RGS13: variants seen among roughly 807,000 people sequenced by gnomAD.
RGS13 encodes the protein regulator of G protein signaling 13.
Under a neutral mutation model 19.9 loss-of-function variants are expected in RGS13, and 14 were observed. The ratio of observed to expected loss-of-function variants is 0.70; its 90% CI spans 0.46 to 1.10. The LOEUF is 1.10. RGS13 is among the 50% of genes least tolerant of loss of function. RGS13 has a pLI of 0.00. For missense variants in RGS13, 205 were observed against 187.1 expected (o/e 1.10, Z -0.56); for synonymous variants, 60 against 56.8 (o/e 1.06, Z -0.25).
In RGS13 at chr1:192,659,706, A is replaced by G. The variant is rs1189948543; in HGVS notation, c.*183A>G. On this transcript the variant is annotated 3_prime_UTR_variant, in exon 7 of 7. Transcript: ENST00000391995. The stretch of plus-strand genomic sequence containing the variant: ...CAATGGAATCTAGAATTCTTATAAC[A>G]TGAATAACAAAATGTACAGCAAGCC... 2 of 554,298 alleles carry G rather than the reference A, an allele frequency of 3.6e-6. No individual in the cohort carries two copies. The highest frequency in any genetic ancestry group is 3.1e-5 in the East Asian group (1 of 32,664). 34.3% of individuals were successfully genotyped at this position (554,298 alleles called of 1,614,324 possible).
intron 1 of RGS13, 100 bp from the exon 2 acceptor site, chr1:192,637,490 T>G (rs958099212): frequency 2.6e-5 from 4 of 151,972 alleles, no homozygotes; most frequent in African/African-American, 9.7e-5. Flanking sequence ...TACTTAAAAC[T>G]TAAGAGCATT....
At chr1:192,658,416 G>T in intron 6 of RGS13, 49 bp downstream of exon 6, 1 of 1,545,770 alleles carries the variant, frequency 6.5e-7, no homozygotes, top group African/African-American at 1.4e-5. Context: ...TCCCTGCAAG[G>T]GCATTAATAT....
chr1:192,649,101 GCT>G (rs1663271140), intron 5 of RGS13, among the ~76,000 whole-genome samples: 1 of 152,090 alleles, frequency 6.6e-6, no homozygotes, highest in East Asian at 1.9e-4. Context: ...CACCACCTGA[GCT>G]CTCATATTTT....
At chr1:192,638,359 G>A (rs766259391) in intron 3 of RGS13, among the ~76,000 whole-genome samples, 156 bp downstream of exon 3, 1 of 151,872 alleles carries the variant, frequency 6.6e-6, no homozygotes, top group Non-Finnish European at 1.5e-5. Flanking sequence ...TAGTGTTTGG[G>A]TTGGAAGAGA....
intron 3 of RGS13, among the ~76,000 whole-genome samples, chr1:192,641,254 A>AAAAGAAAGAAAGAAAGAAAGAAAG (rs771323101): frequency 1.5e-5 from 1 of 67,390 alleles, no homozygotes; most frequent in African/African-American, 5.1e-5. Context: ...GAAAAGAAAG[A>AAAAGAAAGAAAGAAAGAAAGAAAG]AAAGAAAGAA....
chr1:192,652,569 C>T (rs895968708), intron 5 of RGS13, among the ~76,000 whole-genome samples: 4 of 151,964 alleles, frequency 2.6e-5, no homozygotes, highest in Admixed American at 6.6e-5. Flanking sequence ...AAAAAAACCT[C>T]GCCTAGAATA....
chr1:192,649,330 T>C (rs1663295445), intron 5 of RGS13, among the ~76,000 whole-genome samples: 1 of 152,148 alleles, frequency 6.6e-6, no homozygotes, highest in Non-Finnish European at 1.5e-5. Context: ...TTGTAAATTT[T>C]TGTCCCAATC....
intron 3 of RGS13, among the ~76,000 whole-genome samples, chr1:192,640,029 T>G (rs1210200099): frequency 5.3e-5 from 8 of 152,082 alleles, no homozygotes; most frequent in African/African-American, 1.9e-4. Context: ...TGTGTACACA[T>G]AGCTCCAATA....
At chr1:192,641,437 C>G (rs1663121099) in intron 3 of RGS13, among the ~76,000 whole-genome samples, 1 of 151,892 alleles carries the variant, frequency 6.6e-6, no homozygotes, top group South Asian at 2.1e-4. Context: ...ACAGAAATTA[C>G]AAGCAGGCTT....
chr1:192,644,607 A>T lies in RGS13; in HGVS notation c.65+208A>T, dbSNP rs1571580866. On this transcript the variant is annotated intron_variant, in intron 4 of 6. Transcript: ENST00000391995. The stretch of plus-strand genomic sequence containing the variant: ...ATGGTTTACACTTGAGAATTCAGCA[A>T]GTTAAATGCTTTAGAATCTATTATG... 10 of 492,776 alleles carry T rather than the reference A, an allele frequency of 2.0e-5. No homozygotes were observed. The East Asian group carries it at 3.3e-4, about 16-fold the overall frequency. The allele number at this position is 492,776 out of a possible 1,614,324, so 30.5% of individuals were successfully genotyped here.
chr1:192,639,157 T>C (rs1663062249), intron 3 of RGS13, among the ~76,000 whole-genome samples: 1 of 152,094 alleles, frequency 6.6e-6, no homozygotes, highest in African/African-American at 2.4e-5. Context: ...TTTCACCACA[T>C]GGATGAAGCC....
chr1:192,651,416 G>A (rs2102035468), intron 5 of RGS13, among the ~76,000 whole-genome samples: 1 of 152,202 alleles, frequency 6.6e-6, no homozygotes, highest in South Asian at 2.1e-4. Flanking sequence ...GAAAAAAGCA[G>A]AGACTGGAAG....
At chr1:192,644,569 G>A in intron 4 of RGS13, 170 bp downstream of exon 4, 1 of 547,618 alleles carries the variant, frequency 1.8e-6, no homozygotes, top group Non-Finnish European at 3.3e-6. Context: ...TAAGATTCTT[G>A]TTTTCATTAT....
chr1:192,645,456 A>G (rs563973909), intron 4 of RGS13: 4 of 152,326 alleles, frequency 2.6e-5, no homozygotes, highest in African/African-American at 9.6e-5. Flanking sequence ...TATTATATAG[A>G]CAATAAAATT....
At chr1:192,638,031 C>T (rs1443898360) in intron 2 of RGS13, 133 bp from the exon 3 acceptor site, 2 of 152,048 alleles carry the variant, frequency 1.3e-5, no homozygotes, top group Non-Finnish European at 2.9e-5. Context: ...TGCTATTAAA[C>T]TGTCGATTGA....
At chr1:192,650,788 T>C (rs1663322323) in intron 5 of RGS13, among the ~76,000 whole-genome samples, 4 of 152,104 alleles carry the variant, frequency 2.6e-5, no homozygotes, top group Non-Finnish European at 4.4e-5. Context: ...TGCTATTTAA[T>C]GCTACATTAT....
intron 4 of RGS13, chr1:192,645,461 A>C (rs2102032066): frequency 6.6e-6 from 1 of 152,330 alleles, no homozygotes; most frequent in Admixed American, 6.5e-5. Context: ...TATAGACAAT[A>C]AAATTGGGGT....
chr1:192,641,220 GAGAGAA>G (rs1183740448), intron 3 of RGS13, among the ~76,000 whole-genome samples: 43 of 53,920 alleles, frequency 8.0e-4, no homozygotes, highest in African/African-American at 3.4e-3. Flanking sequence ...AAGAAAGAAA[GAGAGAA>G]AGAAAGAAAG....
intron 5 of RGS13, among the ~76,000 whole-genome samples, chr1:192,654,157 AT>A (rs1663396140): frequency 6.6e-6 from 1 of 151,706 alleles, no homozygotes; most frequent in Non-Finnish European, 1.5e-5. Context: ...TTTCTCAATA[AT>A]TTTTATTAAA....
Sources: allele counts gnomAD v4.1 joint callset (sites outside exome capture counted in the v4.1 genomes callset), GRCh38; gene constraint gnomAD v4.1.1; transcripts MANE v1.5; gene names NCBI Gene and HGNC (gene_info 2026-07-23, HGNC 2026-07-21).